The following PHACTR1 variants were observed in gnomAD, a reference collection of about 807,000 sequenced individuals.
PHACTR1 encodes RPEL repeat containing 1.
In PHACTR1, 16 loss-of-function variants were observed where a neutral mutation model predicts 69.2. That is an observed-to-expected ratio of 0.23 (90% CI 0.16 to 0.35). The LOEUF is 0.35. PHACTR1 is among the 10% of genes least tolerant of loss of function. PHACTR1 has a pLI of 1.00. For synonymous variants in PHACTR1, 312 were observed against 284.5 expected (o/e 1.10, Z -0.97); for missense variants, 510 against 734.7 (o/e 0.69, Z 3.54).
chr6:13,149,558 C>A (rs1247743102), intron 5 of PHACTR1, among the ~76,000 whole-genome samples: 5 of 152,162 alleles, frequency 3.3e-5, no homozygotes, highest in Non-Finnish European at 5.9e-5. Flanking sequence ...TGCAGGTTTA[C>A]ACAAGTAGAG....
rs1030256563 is a variant in PHACTR1, at chr6:12,716,778, T to C, written c.-400T>C. 3.3e-5 allele frequency: 5 copies of C among 152,246 alleles called. No homozygotes were observed. Among genetic ancestry groups the C allele is most frequent in the Admixed American group, 6.5e-5 (1 of 15,270 alleles). The allele number at this position is 152,246 out of a possible 1,614,324, so 9.4% of individuals were successfully genotyped here. A position where few individuals can be genotyped will look rare whatever the true frequency, so the allele number is the denominator to read the frequency against. ...CATCACTTCCCTCTGCTCAGTGCTCTTGAAGCGAGATTGAAGGGAAAATTA... is the reference window on the plus strand; with the variant it reads ...CATCACTTCCCTCTGCTCAGTGCTCCTGAAGCGAGATTGAAGGGAAAATTA... On this transcript the variant is annotated 5_prime_UTR_variant, in exon 1 of 15. Transcript: ENST00000332995.
intron 4 of PHACTR1, among the ~76,000 whole-genome samples, chr6:13,038,482 A>C (rs1265661105): frequency 7.0e-6 from 1 of 143,100 alleles, no homozygotes; most frequent in African/African-American, 2.6e-5. Flanking sequence ...TGAGTGTTCA[A>C]GTGTTTAAAA....
chr6:13,254,030 C>A (rs577322952), intron 10 of PHACTR1, among the ~76,000 whole-genome samples: 1 of 152,280 alleles, frequency 6.6e-6, no homozygotes, highest in South Asian at 2.1e-4. Context: ...AAGTTCAAGA[C>A]CAGCCTGGCT....
At chr6:13,273,604 AAGAG>A (rs1778219671) in intron 11 of PHACTR1, 1 of 152,046 alleles carries the variant, frequency 6.6e-6, no homozygotes, top group African/African-American at 2.4e-5. Context: ...TAAAAAAAAA[AAGAG>A]AAAACAGGAT....
At chr6:13,151,086 G>A (rs1176494661) in intron 5 of PHACTR1, among the ~76,000 whole-genome samples, 1 of 152,206 alleles carries the variant, frequency 6.6e-6, no homozygotes, top group Non-Finnish European at 1.5e-5. Context: ...TTTTACTGGA[G>A]TTGTAAGATT....
chr6:13,228,332 T>C (rs1446619888), intron 9 of PHACTR1, among the ~76,000 whole-genome samples: 1 of 152,228 alleles, frequency 6.6e-6, no homozygotes, highest in Non-Finnish European at 1.5e-5. Flanking sequence ...AAGTGGCTTC[T>C]TTGTTGCTTC....
chr6:13,223,637 A>C (rs903320608), intron 8 of PHACTR1, among the ~76,000 whole-genome samples: 4 of 152,198 alleles, frequency 2.6e-5, no homozygotes, highest in African/African-American at 9.6e-5. Context: ...CAACTTTTGC[A>C]TGCAGAATTT....
At chr6:12,983,946 T>G (rs182401671) in intron 4 of PHACTR1, among the ~76,000 whole-genome samples, 2 of 152,262 alleles carry the variant, frequency 1.3e-5, no homozygotes, top group Non-Finnish European at 2.9e-5. Context: ...CAGTCTATCA[T>G]TGATGGACAT....
chr6:12,883,422 C>T (rs1783300125), intron 4 of PHACTR1, among the ~76,000 whole-genome samples: 1 of 152,012 alleles, frequency 6.6e-6, no homozygotes, highest in Non-Finnish European at 1.5e-5. Flanking sequence ...GCCATATATG[C>T]CAGGCAGGTC....
At chr6:12,891,529 A>G (rs2127469303) in intron 4 of PHACTR1, among the ~76,000 whole-genome samples, 1 of 152,336 alleles carries the variant, frequency 6.6e-6, no homozygotes, top group African/African-American at 2.4e-5. Flanking sequence ...CTCAAGATGG[A>G]TAAACCTTAC....
At position 13,206,101 on chromosome 6, in the gene PHACTR1, C is replaced by T. The variant is rs1765876554; in HGVS notation, c.951C>T (p.Asn317=). Reference sequence around the variant, plus strand: ...GCTGCAGAATGATAGACGAGCTCAACAAAACGCTGGCCATGACCATGCAGA... The same window carrying T: ...GCTGCAGAATGATAGACGAGCTCAATAAAACGCTGGCCATGACCATGCAGA... ...PSGCRMIDEL[N]KTLAMTMQRL... is the part of the protein sequence containing the mutation. Residue 317 remains asparagine (N), a synonymous_variant, in exon 8 of 15, where the codon AAC becomes AAT. Coordinates refer to ENST00000332995, the MANE Select transcript of PHACTR1 (RefSeq NM_030948.6). The T allele has an allele frequency of 6.2e-7, 1 of 1,610,654 alleles. No individual in the cohort carries two copies. The highest frequency in any genetic ancestry group is 8.5e-7 in the Non-Finnish European group (1 of 1,178,258).
intron 4 of PHACTR1, among the ~76,000 whole-genome samples, chr6:12,768,882 T>C (rs1282270941): frequency 7.3e-6 from 1 of 136,846 alleles, no homozygotes; most frequent in Non-Finnish European, 1.5e-5. Flanking sequence ...TATTGAGCCA[T>C]AAAACAGAAT....
chr6:13,161,193 G>T (rs1217682773), intron 6 of PHACTR1, among the ~76,000 whole-genome samples: 1 of 152,086 alleles, frequency 6.6e-6, no homozygotes, highest in Non-Finnish European at 1.5e-5. Context: ...TGCCCAGGCT[G>T]GTCTCAAACT....
At chr6:13,132,686 CA>C (rs1281899861) in intron 5 of PHACTR1, among the ~76,000 whole-genome samples, 1 of 150,172 alleles carries the variant, frequency 6.7e-6, no homozygotes, top group East Asian at 2.0e-4. Context: ...GCATCATGTC[CA>C]AAAAACAATG....
At chr6:12,881,633 T>C (rs946444787) in intron 4 of PHACTR1, among the ~76,000 whole-genome samples, 6 of 152,130 alleles carry the variant, frequency 3.9e-5, no homozygotes, top group Non-Finnish European at 7.3e-5. Flanking sequence ...GTCATCACTC[T>C]TCTTCCCCCA....
At chr6:12,940,341 T>C (rs577062383) in intron 4 of PHACTR1, among the ~76,000 whole-genome samples, 3 of 152,358 alleles carry the variant, frequency 2.0e-5, no homozygotes, top group African/African-American at 7.2e-5. Flanking sequence ...ATTTCATATA[T>C]ATAACATGGT....
chr6:13,227,022 C>T (rs1336358928), intron 8 of PHACTR1, among the ~76,000 whole-genome samples: 1 of 152,024 alleles, frequency 6.6e-6, no homozygotes, highest in Non-Finnish European at 1.5e-5. Flanking sequence ...AGGCATGAGC[C>T]ACCACGCCCA....
At chr6:13,197,740 C>T (rs555179672) in intron 7 of PHACTR1, among the ~76,000 whole-genome samples, 4 of 152,144 alleles carry the variant, frequency 2.6e-5, no homozygotes, top group Non-Finnish European at 5.9e-5. Context: ...GTGGTTTCAC[C>T]AGGACATTCT....
intron 5 of PHACTR1, among the ~76,000 whole-genome samples, chr6:13,095,290 G>A (rs948306058): frequency 1.3e-5 from 2 of 152,196 alleles, no homozygotes; most frequent in African/African-American, 4.8e-5. Flanking sequence ...CACTGTTAAT[G>A]GGCTATTAAT....
Sources: allele counts gnomAD v4.1 joint callset (sites outside exome capture counted in the v4.1 genomes callset), GRCh38; gene constraint gnomAD v4.1.1; transcripts MANE v1.5; gene names NCBI Gene and HGNC (gene_info 2026-07-23, HGNC 2026-07-21).